SNRPN: variants seen among roughly 807,000 people sequenced by gnomAD.
The protein encoded by SNRPN is small nuclear ribonucleoprotein polypeptide N.
A neutral mutation model predicts 25.2 loss-of-function variants in SNRPN; 7 were observed. The ratio of observed to expected loss-of-function variants is 0.28; its 90% CI spans 0.16 to 0.52. SNRPN has a LOEUF of 0.52. SNRPN is among the 20% of genes least tolerant of loss of function. The pLI, the probability that SNRPN is intolerant of heterozygous loss-of-function variation, is 0.96. For synonymous variants in SNRPN, 124 were observed against 110.6 expected (o/e 1.12, Z -0.76); for missense variants, 196 against 322.5 (o/e 0.61, Z 3.00).
At chr15:24,844,998 T>C (rs1213937449) in intron 2 of SNRPN, among the ~76,000 whole-genome samples, 2 of 152,114 alleles carry the variant, frequency 1.3e-5, no homozygotes, top group African/African-American at 4.8e-5. Flanking sequence ...CAAAAAAGGG[T>C]GAAGAGTTTT....
intron 1 of SNRPN, among the ~76,000 whole-genome samples, chr15:24,864,339 CTTTTTTTTTTTTT>C (rs58622804): frequency 8.5e-6 from 1 of 117,276 alleles, no homozygotes; most frequent in Non-Finnish European, 1.7e-5. Context: ...CTCTTCTTTT[CTTTTTTTTTTTTT>C]TTTTTTTTTT....
intron 2 of SNRPN, among the ~76,000 whole-genome samples, chr15:24,913,969 G>A (rs1244267720): frequency 1.3e-5 from 2 of 152,146 alleles, no homozygotes; most frequent in Non-Finnish European, 2.9e-5. Context: ...CAAATAAATT[G>A]CAGATAAATT....
rs1298416259 is a variant in SNRPN, at chr15:24,975,311, C to T, written c.4-47C>T. ...GAAGAAACAGGAGAAGATTAGAAGA[C>T]TAGGGTGTTGGCAAGCTGAACATGA... On this transcript the variant is annotated intron_variant, in intron 4 of 9. Transcript: ENST00000390687. 3 of 1,532,934 alleles carry T rather than the reference C, an allele frequency of 2.0e-6. No individual in the cohort carries two copies. The East Asian group carries it at 6.8e-5, about 35-fold the overall frequency. 95.0% of individuals were successfully genotyped at this position (1,532,934 alleles called of 1,614,324 possible). A position where few individuals can be genotyped will look rare whatever the true frequency, so the allele number is the denominator to read the frequency against.
intron 1 of SNRPN, among the ~76,000 whole-genome samples, chr15:24,871,050 A>G (rs2055067101): frequency 6.6e-6 from 1 of 151,212 alleles, no homozygotes; most frequent in African/African-American, 2.4e-5. Flanking sequence ...CCGGCTAATT[A>G]TTTGGTATTT....
chr15:24,830,294 G>T (rs2141406603), intron 2 of SNRPN, among the ~76,000 whole-genome samples: 1 of 152,104 alleles, frequency 6.6e-6, no homozygotes, highest in African/African-American at 2.4e-5. Flanking sequence ...CCTGAATTCA[G>T]TGGGGGTCAC....
At chr15:24,827,203 A>C (rs12442244) in intron 1 of SNRPN, among the ~76,000 whole-genome samples, 6 of 151,762 alleles carry the variant, frequency 4.0e-5, no homozygotes, top group Non-Finnish European at 8.8e-5. Flanking sequence ...ATTATTGTAC[A>C]CTACTGTAGA....
At chr15:24,974,877 C>T in intron 4 of SNRPN, 1 of 701,666 alleles carries the variant, frequency 1.4e-6, no homozygotes, top group Non-Finnish European at 2.6e-6. Context: ...AGAAATGTTT[C>T]ATGATGTGAG....
chr15:24,860,580 C>T (rs2053901800), intron 1 of SNRPN, among the ~76,000 whole-genome samples: 1 of 152,130 alleles, frequency 6.6e-6, no homozygotes. Context: ...ATTGAATATA[C>T]CTAACTTAGT....
chr15:24,834,753 A>ATATATATATATATATATG (rs2050894076), intron 2 of SNRPN, among the ~76,000 whole-genome samples: 1 of 31,240 alleles, frequency 3.2e-5, no homozygotes, highest in African/African-American at 1.4e-4. Flanking sequence ...CTCTCTCTCT[A>ATATATATATATATATATG]TATATATATA....
At chr15:24,869,633 G>A (rs1484047972) in intron 1 of SNRPN, among the ~76,000 whole-genome samples, 1 of 152,140 alleles carries the variant, frequency 6.6e-6, no homozygotes, top group Non-Finnish European at 1.5e-5. Context: ...AGATCACTGA[G>A]AGAAAATGTC....
At chr15:24,975,072 T>C (rs1052179378) in intron 4 of SNRPN, 10 of 676,758 alleles carry the variant, frequency 1.5e-5, no homozygotes, top group Non-Finnish European at 2.7e-5. Context: ...TGGTTTGGTT[T>C]ACTTAGGGGA....
chr15:24,920,564 C>T (rs547161632), intron 3 of SNRPN: 118 of 152,256 alleles, frequency 7.8e-4, no homozygotes, highest in African/African-American at 2.7e-3. Context: ...TTCGGGTTCA[C>T]TAACCTGGGT....
rs62652902 is a variant in SNRPN, at chr15:24,918,613, T to C, written c.-504-1398T>C. ...ATATATATGTATATATATAACATAA[T>C]ATATATGTGTGTATATATAACATAA... On this transcript the variant is annotated intron_variant, in intron 2 of 11. Transcript: ENST00000400097. Among the ~76,000 whole-genome samples, 191 of 93,658 alleles carry C rather than the reference T, an allele frequency of 2.0e-3. 3 individuals are homozygous for C. The highest frequency in any genetic ancestry group is 2.8e-3 in the Non-Finnish European group (140 of 49,752). 61.4% of individuals were successfully genotyped at this position (93,658 alleles called of 152,430 possible). A position where few individuals can be genotyped will look rare whatever the true frequency, so the allele number is the denominator to read the frequency against.
chr15:24,902,498 G>A (rs1368297169), intron 2 of SNRPN, among the ~76,000 whole-genome samples: 4 of 152,152 alleles, frequency 2.6e-5, no homozygotes, highest in South Asian at 2.1e-4. Context: ...TCTGCAATTC[G>A]TTCCTTCCAG....
intron 2 of SNRPN, among the ~76,000 whole-genome samples, chr15:24,913,031 C>T (rs1355216502): frequency 6.6e-6 from 1 of 152,156 alleles, no homozygotes; most frequent in East Asian, 1.9e-4. Context: ...CCTCCGCCTC[C>T]TGGGTTCAAG....
chr15:24,872,304 A>T (rs924481005), intron 1 of SNRPN, among the ~76,000 whole-genome samples: 3 of 116,854 alleles, frequency 2.6e-5, no homozygotes, highest in African/African-American at 8.6e-5. Context: ...AGAGGCTAGG[A>T]TTACAGGTGC....
chr15:24,924,643 CG>C (rs982461864), intron 3 of SNRPN, among the ~76,000 whole-genome samples: 1 of 151,508 alleles, frequency 6.6e-6, no homozygotes, highest in Non-Finnish European at 1.5e-5. Context: ...CCATCATGCC[CG>C]GCTACTTTTT....
chr15:24,825,393 A>C (rs1182550674), intron 1 of SNRPN, among the ~76,000 whole-genome samples: 1 of 151,992 alleles, frequency 6.6e-6, no homozygotes, highest in African/African-American at 2.4e-5. Context: ...AGAAACTAGA[A>C]GTTTTCTGGG....
intron 1 of SNRPN, among the ~76,000 whole-genome samples, chr15:24,880,940 G>C (rs2056520709): frequency 6.6e-6 from 1 of 150,538 alleles, no homozygotes; most frequent in East Asian, 1.9e-4. Flanking sequence ...GCCTCCCGCA[G>C]TGCTGTGATT....
Sources: allele counts gnomAD v4.1 joint callset (sites outside exome capture counted in the v4.1 genomes callset), GRCh38; gene constraint gnomAD v4.1.1; transcripts MANE v1.5; gene names NCBI Gene and HGNC (gene_info 2026-07-23, HGNC 2026-07-21).